The following NTN4 variants were observed in gnomAD, a reference collection of about 807,000 sequenced individuals.
The protein encoded by NTN4 is netrin-4.
NTN4 carries 32 observed loss-of-function variants against 73.6 expected under a neutral mutation model. The ratio of observed to expected loss-of-function variants is 0.44; its 90% CI spans 0.33 to 0.58. NTN4 has a LOEUF of 0.58. NTN4 is among the 20% of genes least tolerant of loss of function. The pLI is 0.04. For missense variants in NTN4, 654 were observed against 798.3 expected, an observed-to-expected ratio of 0.82 and a Z score of 2.18; for synonymous variants, 258 against 287.5, an observed-to-expected ratio of 0.90 and a Z score of 1.04.
chr12:95,665,734 G>A, intron 9 of NTN4, 76 bp downstream of exon 9: 2 of 1,143,508 alleles, frequency 1.7e-6, no homozygotes, highest in Non-Finnish European at 1.2e-6. Context: ...TTTATGTTGT[G>A]CTTCAGAGGA....
intron 3 of NTN4, among the ~76,000 whole-genome samples, chr12:95,730,546 T>C: frequency 6.6e-6 from 1 of 152,238 alleles, no homozygotes; most frequent in African/African-American, 2.4e-5. Flanking sequence ...TGGGCAATTT[T>C]TTCCATTAAA....
rs11366396 is a variant in NTN4, at chr12:95,681,188, C to CA, written c.1510+1518dup. Among the ~76,000 whole-genome samples the CA allele has an allele frequency of 8.8e-3, 838 of 95,416 alleles. 19 individuals carry two copies. The highest frequency in any genetic ancestry group is 0.028 in the African/African-American group (684 of 24,692). The allele number at this position is 95,416 out of a possible 152,430, so 62.6% of individuals were successfully genotyped here. A position where few individuals can be genotyped will look rare whatever the true frequency, so the allele number is the denominator to read the frequency against. The stretch of plus-strand genomic sequence containing the variant: ...TGGGCAACAGAGTGAGACTTTGTCT[C>CA]AAAAAAAAAAAAAAAAAAAAAGAGT... On this transcript the variant is annotated intron_variant, in intron 7 of 9. Transcript: ENST00000343702.
chr12:95,681,592 A>T (rs1160548759), intron 7 of NTN4, among the ~76,000 whole-genome samples: 2 of 152,158 alleles, frequency 1.3e-5, no homozygotes. Context: ...CCCACATTTG[A>T]GTTTGTGTTA....
At chr12:95,788,858 A>C (rs75876365) in intron 1 of NTN4, among the ~76,000 whole-genome samples, 8,275 of 152,300 alleles carry the variant, frequency 0.054, 284 homozygotes, top group Non-Finnish European at 0.083. Flanking sequence ...ACCTGTAAAA[A>C]ATTTCAAGGA....
intron 9 of NTN4, among the ~76,000 whole-genome samples, chr12:95,662,053 A>G (rs1009438565): frequency 1.3e-5 from 2 of 152,166 alleles, no homozygotes; most frequent in Non-Finnish European, 2.9e-5. Context: ...AGCATATACT[A>G]TGATATCGTT....
chr12:95,689,243 T>A (rs2078384622), intron 5 of NTN4, among the ~76,000 whole-genome samples: 1 of 152,228 alleles, frequency 6.6e-6, no homozygotes, highest in African/African-American at 2.4e-5. Flanking sequence ...ATGTTAATAA[T>A]AATAATTCTA....
chr12:95,687,987 GA>G (rs1167084261), intron 5 of NTN4, among the ~76,000 whole-genome samples: 2 of 152,158 alleles, frequency 1.3e-5, no homozygotes, highest in Admixed American at 1.3e-4. Context: ...TGAGGCAGAA[GA>G]AAAGCTGTAG....
chr12:95,677,352 T>G (rs1291810902), intron 7 of NTN4, among the ~76,000 whole-genome samples: 1 of 147,096 alleles, frequency 6.8e-6, no homozygotes, highest in East Asian at 1.9e-4. Context: ...TCATAGACAC[T>G]GTGTCTCAAT....
Position 95,682,729 on chromosome 12 carries a change from C to T in NTN4, c.1488G>A (p.Gly496=), listed in dbSNP as rs767780326. ...CACCTGAGTGTAGAAGTGCAGAAAACCCCTGCGCATCCTCCCACTCCCAGG... is the reference window on the plus strand; with the variant it reads ...CACCTGAGTGTAGAAGTGCAGAAAATCCCTGCGCATCCTCCCACTCCCAGG... ...EPAWEWEDAQ[G]FSALLHSGKC... The change falls in exon 7 of 10, where the codon GGG becomes GGA. Residue 496 remains glycine, a synonymous_variant. Transcript: ENST00000343702. 2 of 1,612,906 alleles carry T rather than the reference C, an allele frequency of 1.2e-6. No homozygotes were observed. The highest frequency in any genetic ancestry group is 1.7e-6 in the Non-Finnish European group (2 of 1,179,094).
intron 3 of NTN4, among the ~76,000 whole-genome samples, chr12:95,716,866 A>G (rs897981594): frequency 2.2e-4 from 34 of 151,976 alleles, no homozygotes; most frequent in African/African-American, 7.7e-4. Context: ...CTGAAGTGTA[A>G]TGGTGTGATC....
chr12:95,760,176 T>C (rs190889596), intron 2 of NTN4, among the ~76,000 whole-genome samples: 7 of 152,314 alleles, frequency 4.6e-5, no homozygotes, highest in Admixed American at 4.6e-4. Context: ...GTTTTGCCTT[T>C]ATTTTAGGGC....
chr12:95,783,628 C>T (rs1166247621), intron 2 of NTN4, among the ~76,000 whole-genome samples: 1 of 152,198 alleles, frequency 6.6e-6, no homozygotes, highest in East Asian at 1.9e-4. Flanking sequence ...GGAACAAATA[C>T]TAGACTTCAG....
chr12:95,663,712 C>T (rs2078156341), intron 9 of NTN4: 1 of 151,968 alleles, frequency 6.6e-6, no homozygotes, highest in Admixed American at 6.6e-5. Context: ...TTCTTCAAAG[C>T]AAGTAAACAT....
At chr12:95,738,433 G>A (rs1271609715) in intron 2 of NTN4, among the ~76,000 whole-genome samples, 4 of 152,204 alleles carry the variant, frequency 2.6e-5, no homozygotes, top group Admixed American at 1.3e-4. Context: ...CATTCTGGGC[G>A]AGGGAAGAGC....
At chr12:95,669,656 T>G (rs2078211958) in intron 8 of NTN4, among the ~76,000 whole-genome samples, 2 of 152,192 alleles carry the variant, frequency 1.3e-5, no homozygotes, top group African/African-American at 4.8e-5. Flanking sequence ...GCCTGTGCTC[T>G]CAACTATAAT....
intron 5 of NTN4, among the ~76,000 whole-genome samples, chr12:95,688,299 G>A (rs1204234138): frequency 6.6e-6 from 1 of 152,156 alleles, no homozygotes; most frequent in African/African-American, 2.4e-5. Context: ...GATAGGGTTT[G>A]GAGACCATCT....
chr12:95,783,433 C>T (rs138854498), intron 2 of NTN4, among the ~76,000 whole-genome samples: 1 of 152,348 alleles, frequency 6.6e-6, no homozygotes, highest in East Asian at 1.9e-4. Context: ...CAGTATACCA[C>T]TGCCATCTCA....
At chr12:95,716,220 A>G (rs2078604062) in intron 3 of NTN4, among the ~76,000 whole-genome samples, 1 of 152,092 alleles carries the variant, frequency 6.6e-6, no homozygotes, top group South Asian at 2.1e-4. Context: ...TAAGGGGTGT[A>G]AAGTAAATAT....
chr12:95,724,559 T>C (rs2078676768), intron 3 of NTN4, among the ~76,000 whole-genome samples: 1 of 152,208 alleles, frequency 6.6e-6, no homozygotes, highest in Admixed American at 6.5e-5. Flanking sequence ...TTCATTGCAT[T>C]AGAATATCAA....
Sources: allele counts gnomAD v4.1 joint callset (sites outside exome capture counted in the v4.1 genomes callset), GRCh38; gene constraint gnomAD v4.1.1; transcripts MANE v1.5; gene names NCBI Gene and HGNC (gene_info 2026-07-23, HGNC 2026-07-21).